The following COL15A1 variants were observed in gnomAD, a reference collection of about 807,000 sequenced individuals.
The protein encoded by COL15A1 is collagen alpha-1(XV) chain.
In COL15A1, 111 loss-of-function variants were observed where a neutral mutation model predicts 165.9. The observed-to-expected ratio is 0.67, with a 90% CI of 0.57 to 0.78. COL15A1 has a LOEUF of 0.78. COL15A1 is among the 30% of genes least tolerant of loss of function. The pLI is 0.00. For synonymous variants in COL15A1, 659 were observed against 674.8 expected, an observed-to-expected ratio of 0.98 and a Z score of 0.36; for missense variants, 1,745 against 1,789.7, an observed-to-expected ratio of 0.98 and a Z score of 0.45.
chr9:98,950,418 ATTCT>A (rs1007580228), intron 2 of COL15A1, among the ~76,000 whole-genome samples: 4 of 151,052 alleles, frequency 2.6e-5, no homozygotes, highest in Non-Finnish European at 4.4e-5. Context: ...TTTATTTGCA[ATTCT>A]TTCTTTCTTT....
chr9:99,012,781 G>T (rs548587320), intron 9 of COL15A1, among the ~76,000 whole-genome samples: 1 of 138,482 alleles, frequency 7.2e-6, no homozygotes, highest in Non-Finnish European at 1.5e-5. Context: ...GTACAATCTC[G>T]GCTCACTGCA....
Position 98,985,780 on chromosome 9 carries a change from G to A in COL15A1, c.316G>A (p.Val106Met), listed in dbSNP as rs201906975. The A allele has an allele frequency of 1.5e-5, 25 of 1,614,038 alleles. No individual in the cohort carries two copies. The highest frequency in any genetic ancestry group is 1.3e-4 in the East Asian group (6 of 44,888). The change falls in exon 3 of 42, where the codon GTG becomes ATG. Residue 106 changes from valine to methionine, a missense_variant. Val to Met is a conservative substitution (Grantham distance 21). Transcript: ENST00000375001. ...GAAGCCCAGCAGCACCCGTGGTGGC[G>A]TGCTCTTCGCCATCACTGACGCCTT... ...VVKPSSTRGG[V>M]LFAITDAFQK... is the part of the protein sequence containing the mutation.
At chr9:99,026,375 C>T (rs1839124445) in intron 16 of COL15A1, among the ~76,000 whole-genome samples, 1 of 152,190 alleles carries the variant, frequency 6.6e-6, no homozygotes, top group South Asian at 2.1e-4. Flanking sequence ...GCCTTGGGCT[C>T]CCAGTTGCTG....
intron 22 of COL15A1, 127 bp from the exon 23 acceptor site, chr9:99,040,394 T>C (rs1468094021): frequency 4.0e-6 from 6 of 1,482,258 alleles, no homozygotes; most frequent in Non-Finnish European, 4.7e-6. Context: ...CCTAATGCTG[T>C]GTCAATCCGT....
At chr9:99,061,948 T>C in intron 36 of COL15A1, 23 bp from the exon 37 acceptor site, 1 of 1,604,342 alleles carries the variant, frequency 6.2e-7, no homozygotes, top group Non-Finnish European at 8.5e-7. Flanking sequence ...ATGGCAGTGT[T>C]TGGAATTTAA....
intron 7 of COL15A1, among the ~76,000 whole-genome samples, chr9:99,001,273 T>G (rs1290826807): frequency 6.6e-6 from 1 of 152,202 alleles, no homozygotes; most frequent in Non-Finnish European, 1.5e-5. Flanking sequence ...ATCAGCCCTT[T>G]GAGTCCCCTT....
At chr9:99,016,197 G>C (rs756292500) in intron 11 of COL15A1, 78 bp downstream of exon 11, 10 of 1,482,484 alleles carry the variant, frequency 6.7e-6, no homozygotes, top group Non-Finnish European at 9.0e-6. Context: ...TTGTGGGAAG[G>C]GCTGGCCCCC....
chr9:99,039,690 G>A (rs1215635301), intron 22 of COL15A1, among the ~76,000 whole-genome samples: 1 of 152,196 alleles, frequency 6.6e-6, no homozygotes, highest in Non-Finnish European at 1.5e-5. Context: ...CTGGCCTTAG[G>A]AGCCTTGAGG....
chr9:99,007,130 C>G lies in COL15A1; in HGVS notation c.1353+2080C>G, dbSNP rs181485996. Among the ~76,000 whole-genome samples, 13 of 152,238 alleles carry G rather than the reference C, an allele frequency of 8.5e-5. No homozygotes were observed. In the South Asian group the frequency reaches 1.7e-3, roughly 19 times the overall value. ...ATGTCATAGGTAGATAAGAGACAAA[C>G]GCTTGCATTCTTTCAAGTTTCTGAT... On this transcript the variant is annotated intron_variant, in intron 9 of 41. Transcript: ENST00000375001.
At chr9:99,021,964 A>T in intron 12 of COL15A1, 127 bp from the exon 13 acceptor site, 1 of 1,308,978 alleles carries the variant, frequency 7.6e-7, no homozygotes, top group Non-Finnish European at 1.1e-6. Flanking sequence ...CTGTCTCTGC[A>T]AAGGACAATG....
At chr9:99,056,669 A>G (rs567029600) in intron 35 of COL15A1, among the ~76,000 whole-genome samples, 8 of 152,292 alleles carry the variant, frequency 5.3e-5, no homozygotes, top group East Asian at 1.9e-4. Flanking sequence ...CATCACACCA[A>G]AAAGAAATTT....
chr9:99,043,076 C>A (rs1839438066), intron 24 of COL15A1, among the ~76,000 whole-genome samples: 1 of 152,130 alleles, frequency 6.6e-6, no homozygotes, highest in Admixed American at 6.5e-5. Flanking sequence ...CACTGTGCAA[C>A]CCCCTGAGCC....
At chr9:99,018,251 G>A (rs907799213) in intron 11 of COL15A1, among the ~76,000 whole-genome samples, 4 of 151,550 alleles carry the variant, frequency 2.6e-5, no homozygotes, top group East Asian at 2.0e-4. Flanking sequence ...TGGTTGATAC[G>A]TCTCTTAAGT....
chr9:99,017,728 C>T (rs1415031000), intron 11 of COL15A1, among the ~76,000 whole-genome samples: 3 of 152,166 alleles, frequency 2.0e-5, no homozygotes, highest in African/African-American at 7.2e-5. Context: ...CTGCACCTCA[C>T]CCCAAGGTAT....
At chr9:98,958,343 G>A (rs1564009693) in intron 2 of COL15A1, among the ~76,000 whole-genome samples, 1 of 152,218 alleles carries the variant, frequency 6.6e-6, no homozygotes, top group Non-Finnish European at 1.5e-5. Context: ...GCTCTGCTCA[G>A]CCCTGTTCAT....
At chr9:98,992,452 G>A (rs910615563) in intron 5 of COL15A1, among the ~76,000 whole-genome samples, 10 of 152,318 alleles carry the variant, frequency 6.6e-5, no homozygotes, top group Admixed American at 3.3e-4. Context: ...GCCCGCAAGC[G>A]CTGCACGCAG....
intron 2 of COL15A1, among the ~76,000 whole-genome samples, chr9:98,970,392 A>G (rs1210597624): frequency 1.3e-5 from 2 of 152,230 alleles, no homozygotes; most frequent in Non-Finnish European, 2.9e-5. Flanking sequence ...CGAGGAAAGG[A>G]GGGAAATGCA....
At chr9:98,955,467 A>G (rs1209888695) in intron 2 of COL15A1, among the ~76,000 whole-genome samples, 2 of 152,198 alleles carry the variant, frequency 1.3e-5, no homozygotes, top group Non-Finnish European at 2.9e-5. Flanking sequence ...TGAATAAGTT[A>G]ATGAATGAAT....
chr9:99,013,991 C>G (rs998983588), intron 9 of COL15A1, among the ~76,000 whole-genome samples: 5 of 151,864 alleles, frequency 3.3e-5, no homozygotes, highest in Non-Finnish European at 7.4e-5. Flanking sequence ...TTTCCCCTCT[C>G]TTGCAGCTGT....
Sources: gnomAD v4.1 joint callset for allele counts (sites outside exome capture counted in the v4.1 genomes callset) on GRCh38, gnomAD v4.1.1 for gene constraint, MANE v1.5 for transcripts, NCBI Gene and HGNC (gene_info 2026-07-23, HGNC 2026-07-21) for gene names.